Variants in RPTOR observed in about 807,000 individuals in gnomAD.
RPTOR encodes regulatory-associated protein of mTOR.
Under a neutral mutation model 169.9 loss-of-function variants are expected in RPTOR, and 21 were observed. The observed-to-expected ratio is 0.12, with a 90% CI of 0.09 to 0.18. RPTOR has a LOEUF of 0.18. RPTOR is among the 10% of genes least tolerant of loss of function. RPTOR has a pLI of 1.00. For synonymous variants in RPTOR, 732 were observed against 753.2 expected (o/e 0.97, Z 0.46); for missense variants, 1,133 against 1,855.9 (o/e 0.61, Z 7.16).
intron 1 of RPTOR, among the ~76,000 whole-genome samples, chr17:80,561,952 CT>C (rs1324282902): frequency 6.6e-6 from 1 of 152,002 alleles, no homozygotes; most frequent in Non-Finnish European, 1.5e-5. Context: ...GTGTTTATGT[CT>C]GTATGTATGT....
At chr17:80,743,798 C>G (rs1205431492) in intron 5 of RPTOR, among the ~76,000 whole-genome samples, 1 of 131,428 alleles carries the variant, frequency 7.6e-6, no homozygotes, top group Non-Finnish European at 1.7e-5. Context: ...TGGCTACTAG[C>G]ACAGCCCTGG....
At chr17:80,700,705 G>C (rs2066087040) in intron 3 of RPTOR, among the ~76,000 whole-genome samples, 2 of 102,048 alleles carry the variant, frequency 2.0e-5, no homozygotes, top group African/African-American at 3.4e-5. Flanking sequence ...TGATGGTGGT[G>C]GTGATGGTGG....
At chr17:80,766,417 A>G (rs2066787584) in intron 6 of RPTOR, among the ~76,000 whole-genome samples, 2 of 152,196 alleles carry the variant, frequency 1.3e-5, no homozygotes, top group Admixed American at 1.3e-4. Context: ...TGACACAGTC[A>G]TAGCTCACTG....
intron 6 of RPTOR, among the ~76,000 whole-genome samples, chr17:80,786,854 A>G (rs1598303377): frequency 6.6e-6 from 1 of 152,352 alleles, no homozygotes; most frequent in South Asian, 2.1e-4. Context: ...AAAAATCTTG[A>G]AGCCACTTGT....
At chr17:80,653,849 A>G (rs1228223334) in intron 3 of RPTOR, among the ~76,000 whole-genome samples, 1 of 152,154 alleles carries the variant, frequency 6.6e-6, no homozygotes, top group Admixed American at 6.5e-5. Flanking sequence ...CTGTGTTCAC[A>G]TCCTAGTGGT....
chr17:80,927,183 G>A (rs772415335), intron 24 of RPTOR, among the ~76,000 whole-genome samples: 3 of 152,266 alleles, frequency 2.0e-5, no homozygotes, highest in Non-Finnish European at 4.4e-5. Context: ...TGCCAGGGGT[G>A]CCAGGCCGTC....
At chr17:80,852,775 G>A (rs536526097) in intron 11 of RPTOR, among the ~76,000 whole-genome samples, 3 of 151,560 alleles carry the variant, frequency 2.0e-5, no homozygotes, top group South Asian at 4.2e-4. Context: ...CCCTCTCCAC[G>A]GCTCCCCAGG....
chr17:80,797,849 G>A (rs757053885), intron 7 of RPTOR, among the ~76,000 whole-genome samples: 1 of 152,012 alleles, frequency 6.6e-6, no homozygotes, highest in South Asian at 2.1e-4. Flanking sequence ...TTTTTCCCAC[G>A]GGGGTCCCAC....
intron 24 of RPTOR, among the ~76,000 whole-genome samples, chr17:80,929,669 T>C (rs913259335): frequency 6.6e-6 from 1 of 152,178 alleles, no homozygotes; most frequent in Non-Finnish European, 1.5e-5. Context: ...CGTCATCAGA[T>C]CTGCGGCTGT....
chr17:80,591,277 C>CTCCCTTCCCTTCTGT (rs2065105473), intron 1 of RPTOR, among the ~76,000 whole-genome samples: 1 of 121,362 alleles, frequency 8.2e-6, no homozygotes, highest in Non-Finnish European at 1.8e-5. Context: ...CTCCCCTCTC[C>CTCCCTTCCCTTCTGT]TCCCTTCCCT....
chr17:80,901,812 CCCCCAGCGCCCTCCCTGCTCTGCCTT>C (rs898855209), intron 20 of RPTOR, among the ~76,000 whole-genome samples: 1 of 151,836 alleles, frequency 6.6e-6, no homozygotes, highest in African/African-American at 2.4e-5. Flanking sequence ...AGAAGCCCCG[CCCCCAGCGCCCTCCCTGCTCTGCCTT>C]CCCCAGAGCA....
At chr17:80,862,692 C>G (rs1469619910) in intron 13 of RPTOR, among the ~76,000 whole-genome samples, 1 of 152,180 alleles carries the variant, frequency 6.6e-6, no homozygotes, top group Non-Finnish European at 1.5e-5. Context: ...CCGCCCCCTC[C>G]TCGTGTTGCT....
rs1055927890 is a variant in RPTOR at position 80,822,736 on chromosome 17, G to A, written c.992-343G>A. 3.4e-4 allele frequency among the ~76,000 whole-genome samples: 52 copies of A among 151,774 alleles called. 1 individual carries two copies. Among genetic ancestry groups the A allele is most frequent in the Admixed American group, 2.9e-3 (44 of 15,278 alleles). On this transcript the variant is annotated intron_variant, in intron 8 of 33. Coordinates refer to ENST00000306801, the MANE Select transcript of RPTOR (RefSeq NM_020761.3). The stretch of plus-strand genomic sequence containing the variant: ...CATGTGTACATGTGTATGCATACAC[G>A]TGTGTATATGCATATTTGTGTGTGT...
In RPTOR at chr17:80,687,838, T is replaced by C. The variant is rs1025807162; in HGVS notation, c.349-20003T>C. Among the ~76,000 whole-genome samples, 5 of 152,190 alleles carry C rather than the reference T, an allele frequency of 3.3e-5. No homozygotes were observed. The East Asian group carries it at 7.7e-4, about 23-fold the overall frequency. On this transcript the variant is annotated intron_variant, in intron 3 of 33. Coordinates refer to ENST00000306801, the MANE Select transcript of RPTOR (RefSeq NM_020761.3). ...ATGCAGTGAGGCCGACAGTGAGTTGTAGGAAGCTCAGAAATGGGATGCCCG... is the reference window on the plus strand; with the variant it reads ...ATGCAGTGAGGCCGACAGTGAGTTGCAGGAAGCTCAGAAATGGGATGCCCG...
At chr17:80,865,015 C>A (rs184776497) in intron 13 of RPTOR, among the ~76,000 whole-genome samples, 3 of 152,242 alleles carry the variant, frequency 2.0e-5, no homozygotes, top group Middle Eastern at 3.4e-3. Flanking sequence ...TTTGTAAGAG[C>A]AAAATGCATG....
At chr17:80,692,172 C>T (rs1432421720) in intron 3 of RPTOR, among the ~76,000 whole-genome samples, 1 of 152,154 alleles carries the variant, frequency 6.6e-6, no homozygotes, top group Non-Finnish European at 1.5e-5. Flanking sequence ...AGTACAGTAG[C>T]AGAATCATAG....
intron 7 of RPTOR, among the ~76,000 whole-genome samples, chr17:80,810,859 A>G (rs1284310477): frequency 6.6e-6 from 1 of 152,210 alleles, no homozygotes; most frequent in African/African-American, 2.4e-5. Context: ...ATTTTGTTAA[A>G]TTAATGTCAG....
rs972347166 is a variant in RPTOR, at chr17:80,865,705, A to T, written c.1509+7805A>T. On this transcript the variant is annotated intron_variant, in intron 13 of 33. Coordinates refer to ENST00000306801, the MANE Select transcript of RPTOR (RefSeq NM_020761.3). ...GAGAAGTAGATAAATCCGTAATTAC[A>T]TTTGGAGGTTTCAGTGCTCCTTTCT... Among the ~76,000 whole-genome samples the T allele has an allele frequency of 2.0e-5, 3 of 152,072 alleles. No homozygotes were observed. The South Asian group carries it at 6.2e-4, about 32-fold the overall frequency.
At chr17:80,655,431 G>T (rs1354844677) in intron 3 of RPTOR, among the ~76,000 whole-genome samples, 1 of 147,142 alleles carries the variant, frequency 6.8e-6, no homozygotes, top group Non-Finnish European at 1.5e-5. Context: ...TTTTAGAGGG[G>T]TCTTGCTTTG....
Sources: gnomAD v4.1 joint callset for allele counts (sites outside exome capture counted in the v4.1 genomes callset) on GRCh38, gnomAD v4.1.1 for gene constraint, MANE v1.5 for transcripts, NCBI Gene and HGNC (gene_info 2026-07-23, HGNC 2026-07-21) for gene names.